Variants in SGCZ observed in about 807,000 individuals in gnomAD.
SGCZ encodes sarcoglycan zeta, also known as zeta-sarcoglycan.
A neutral mutation model predicts 41.3 loss-of-function variants in SGCZ; 40 were observed. The ratio of observed to expected loss-of-function variants is 0.97; its 90% CI spans 0.75 to 1.26. The LOEUF (loss-of-function observed/expected upper bound fraction) is 1.26. Among genes scored for constraint, SGCZ ranks in the 50% most tolerant of loss-of-function variants. The pLI is 0.00. For synonymous variants in SGCZ, 206 were observed against 137.5 expected, an observed-to-expected ratio of 1.50 and a Z score of -3.49; for missense variants, 552 against 369.8, an observed-to-expected ratio of 1.49 and a Z score of -4.04.
At chr8:14,114,101 C>T (rs1428525665) in intron 5 of SGCZ, among the ~76,000 whole-genome samples, 2 of 152,046 alleles carry the variant, frequency 1.3e-5, no homozygotes, top group East Asian at 1.9e-4. Flanking sequence ...CAGTAACTTA[C>T]GACTTTCTTG....
chr8:14,671,407 C>A (rs1808097803), intron 1 of SGCZ, among the ~76,000 whole-genome samples: 1 of 151,946 alleles, frequency 6.6e-6, no homozygotes, highest in Non-Finnish European at 1.5e-5. Context: ...AATTTTTATC[C>A]AAGAAAAGAA....
intron 3 of SGCZ, among the ~76,000 whole-genome samples, chr8:14,295,191 C>T (rs1044350963): frequency 6.6e-6 from 1 of 152,106 alleles, no homozygotes; most frequent in Non-Finnish European, 1.5e-5. Flanking sequence ...AAATGTTCTT[C>T]AACTGGTGAA....
At chr8:14,896,796 T>C (rs2130752374) in intron 1 of SGCZ, among the ~76,000 whole-genome samples, 1 of 151,542 alleles carries the variant, frequency 6.6e-6, no homozygotes, top group East Asian at 1.9e-4. Context: ...TTTCTTTTTT[T>C]GACACAGAGT....
rs550563824 is a variant in SGCZ, at chr8:14,335,201, C to A, written c.235-10997G>T. On this transcript the variant is annotated intron_variant, in intron 2 of 7. Transcript: ENST00000382080. ...CTTTATTGAGTTTATAAAACTGTAA[C>A]ATTTAGCCTCTTAGACTAAAGAAGT... Among the ~76,000 whole-genome samples, 22 of 152,222 alleles carry A rather than the reference C, an allele frequency of 1.4e-4. No homozygotes were observed. In the South Asian group the frequency reaches 4.6e-3, roughly 32 times the overall value.
intron 5 of SGCZ, among the ~76,000 whole-genome samples, chr8:14,115,580 T>A (rs1013147613): frequency 8.5e-5 from 13 of 152,064 alleles, no homozygotes; most frequent in African/African-American, 3.1e-4. Context: ...GTCTTAAGAT[T>A]TGGACATTTT....
intron 4 of SGCZ, among the ~76,000 whole-genome samples, chr8:14,176,676 T>C (rs980625803): frequency 1.3e-5 from 2 of 152,216 alleles, no homozygotes; most frequent in African/African-American, 4.8e-5. Flanking sequence ...CATATGTCCA[T>C]TGCTTGGATC....
chr8:14,931,901 T>C (rs1016387106), intron 1 of SGCZ, among the ~76,000 whole-genome samples: 1 of 151,998 alleles, frequency 6.6e-6, no homozygotes, highest in African/African-American at 2.4e-5. Flanking sequence ...ACCTGAAACA[T>C]TATCTTGACC....
At chr8:14,122,828 T>G (rs1012735216) in intron 5 of SGCZ, among the ~76,000 whole-genome samples, 3 of 95,488 alleles carry the variant, frequency 3.1e-5, no homozygotes, top group African/African-American at 1.3e-4. Flanking sequence ...TTGGGAAACA[T>G]TATCACATCT....
At chr8:14,969,458 A>C (rs1015912792) in intron 1 of SGCZ, among the ~76,000 whole-genome samples, 1 of 152,012 alleles carries the variant, frequency 6.6e-6, no homozygotes, top group African/African-American at 2.4e-5. Flanking sequence ...CCGTATCACC[A>C]CAATCTAGAA....
chr8:14,341,008 G>T (rs1250268674), intron 2 of SGCZ, among the ~76,000 whole-genome samples: 1 of 152,080 alleles, frequency 6.6e-6, no homozygotes, highest in African/African-American at 2.4e-5. Context: ...TGCTCGAGGA[G>T]CCTCAAGTAA....
At chr8:14,197,057 C>A (rs993497021) in intron 4 of SGCZ, among the ~76,000 whole-genome samples, 2 of 151,926 alleles carry the variant, frequency 1.3e-5, no homozygotes, top group East Asian at 3.9e-4. Flanking sequence ...TGTAAATTTG[C>A]TAAAAATCAT....
intron 5 of SGCZ, among the ~76,000 whole-genome samples, chr8:14,109,806 T>C (rs1307252165): frequency 1.3e-5 from 2 of 152,138 alleles, no homozygotes; most frequent in Non-Finnish European, 2.9e-5. Context: ...TCAAAGACTA[T>C]ATGATTTCAT....
At chr8:14,621,780 G>A (rs1408569330) in intron 1 of SGCZ, among the ~76,000 whole-genome samples, 2 of 152,050 alleles carry the variant, frequency 1.3e-5, no homozygotes, top group Non-Finnish European at 2.9e-5. Flanking sequence ...CCTCCCACCA[G>A]TTCTCTCCCC....
intron 1 of SGCZ, among the ~76,000 whole-genome samples, chr8:15,192,715 C>T (rs1440561703): frequency 6.6e-6 from 1 of 152,038 alleles, no homozygotes; most frequent in Admixed American, 6.5e-5. Context: ...TGTACAACTC[C>T]TAAAATTACC....
intron 2 of SGCZ, among the ~76,000 whole-genome samples, chr8:14,325,747 CATATATATATATATATATATATATAT>C (rs370021799): frequency 5.3e-4 from 37 of 69,458 alleles, no homozygotes; most frequent in South Asian, 2.3e-3. Flanking sequence ...CACACACACA[CATATATATATATATATATATATATAT>C]ATATATATAT....
At chr8:15,092,760 TC>T (rs1806200269) in intron 1 of SGCZ, among the ~76,000 whole-genome samples, 1 of 152,188 alleles carries the variant, frequency 6.6e-6, no homozygotes, top group African/African-American at 2.4e-5. Flanking sequence ...TACACATTGA[TC>T]AAACCCTGTA....
At chr8:14,764,600 C>T (rs1799986481) in intron 1 of SGCZ, among the ~76,000 whole-genome samples, 1 of 152,038 alleles carries the variant, frequency 6.6e-6, no homozygotes, top group Non-Finnish European at 1.5e-5. Context: ...TTGGTTTTGT[C>T]TCATCAAAAA....
At chr8:15,172,828 T>C (rs902961318) in intron 1 of SGCZ, among the ~76,000 whole-genome samples, 1 of 152,232 alleles carries the variant, frequency 6.6e-6, no homozygotes, top group African/African-American at 2.4e-5. Flanking sequence ...AACAAGATTT[T>C]ACCTGAATTC....
chr8:14,855,865 G>T (rs896807600), intron 1 of SGCZ, among the ~76,000 whole-genome samples: 1 of 152,092 alleles, frequency 6.6e-6, no homozygotes, highest in African/African-American at 2.4e-5. Context: ...CACTTCTGAT[G>T]ACTCACAATG....
Sources: gnomAD v4.1 joint callset for allele counts (sites outside exome capture counted in the v4.1 genomes callset) on GRCh38, gnomAD v4.1.1 for gene constraint, MANE v1.5 for transcripts, NCBI Gene and HGNC (gene_info 2026-07-23, HGNC 2026-07-21) for gene names.